NPC1: variants seen among roughly 807,000 people sequenced by gnomAD.
NPC1 encodes the protein Niemann-Pick C1 protein.
Under a neutral mutation model 140.4 loss-of-function variants are expected in NPC1, and 85 were observed. The observed-to-expected ratio is 0.61, with a 90% confidence interval of 0.51 to 0.72. The LOEUF (loss-of-function observed/expected upper bound fraction) is 0.72. Among genes scored for constraint, NPC1 ranks in the 30% least tolerant of loss-of-function variants. The pLI is 0.00. For synonymous variants in NPC1, 656 were observed against 624.8 expected (o/e 1.05, Z -0.74); for missense variants, 1,504 against 1,623.8 (o/e 0.93, Z 1.27).
chr18:23,533,567 G>A, intron 23 of NPC1, 50 bp from the exon 24 acceptor site: 1 of 1,536,874 alleles, frequency 6.5e-7, no homozygotes, highest in Non-Finnish European at 9.0e-7. Flanking sequence ...ACCTGTAATT[G>A]AACAAAAACA....
intron 14 of NPC1, among the ~76,000 whole-genome samples, chr18:23,541,718 T>G (rs921238438): frequency 6.6e-6 from 1 of 152,184 alleles, no homozygotes; most frequent in African/African-American, 2.4e-5. Flanking sequence ...TCACACACAT[T>G]AAAATTTGAG....
intron 3 of NPC1, among the ~76,000 whole-genome samples, chr18:23,571,232 TA>T (rs10715014): frequency 0.73 from 107,523 of 147,070 alleles, 39,605 homozygotes; most frequent in East Asian, 0.91. Context: ...AAACTGACTT[TA>T]AAAAAAAAAA....
intron 9 of NPC1, among the ~76,000 whole-genome samples, chr18:23,552,612 C>A (rs1386275211): frequency 6.6e-6 from 1 of 152,188 alleles, no homozygotes; most frequent in Non-Finnish European, 1.5e-5. Flanking sequence ...ATGGCGCAGG[C>A]AAGAGGCAAC....
chr18:23,509,632 G>A (rs146441759), intron 3 of NPC1: 1,779 of 153,168 alleles, frequency 0.012, 37 homozygotes, highest in African/African-American at 0.041. Flanking sequence ...GCGCGATCTC[G>A]GCTCACCGCA....
intron 11 of NPC1, among the ~76,000 whole-genome samples, chr18:23,546,073 A>T (rs1215525137): frequency 6.6e-6 from 1 of 151,930 alleles, no homozygotes; most frequent in Non-Finnish European, 1.5e-5. Flanking sequence ...ACATGGTGAA[A>T]GCCCGTCTCT....
At chr18:23,524,076 C>T in intron 1 of NPC1, 1 of 1,563,842 alleles carries the variant, frequency 6.4e-7, no homozygotes, top group South Asian at 1.1e-5. Context: ...TAAGTACCAG[C>T]ATTTGCAGCA....
chr18:23,562,892 T>A (rs554683629), intron 4 of NPC1, among the ~76,000 whole-genome samples: 1 of 152,186 alleles, frequency 6.6e-6, no homozygotes, highest in Non-Finnish European at 1.5e-5. Context: ...TATAATTACA[T>A]GTAATTTACA....
At chr18:23,515,787 C>T in intron 3 of NPC1, 2 of 1,586,440 alleles carry the variant, frequency 1.3e-6, no homozygotes, top group South Asian at 2.2e-5. Flanking sequence ...CCCACCTTAG[C>T]CTCCCAAAGT....
intron 3 of NPC1, among the ~76,000 whole-genome samples, chr18:23,569,471 C>T (rs563553615): frequency 6.6e-6 from 1 of 152,064 alleles, no homozygotes; most frequent in Non-Finnish European, 1.5e-5. Flanking sequence ...TACAGGTGCA[C>T]ACCACCACAC....
rs1184999447 is a variant in NPC1, at chr18:23,561,521, T to C, written c.470A>G (p.Tyr157Cys). ...YVGQSFANAMYNACRDVEAPS... is the reference protein window; with the variant it reads ...YVGQSFANAMCNACRDVEAPS... ...GGCCTCCACATCCCGGCAGGCATTG[T>C]ACATTGCTAGAAGAGGAAACCCAAA... Residue 157 changes from tyrosine (Y) to cysteine (C), a missense_variant, in exon 5 of 25, where the codon TAC becomes TGC. Coordinates refer to ENST00000269228, the MANE Select transcript of NPC1 (RefSeq NM_000271.5). The C allele has an allele frequency of 6.2e-7, 1 of 1,613,880 alleles. No homozygotes were observed. The highest frequency in any genetic ancestry group is 8.5e-7 in the Non-Finnish European group (1 of 1,179,994).
intron 5 of NPC1, 120 bp downstream of exon 5, chr18:23,561,240 G>A (rs2059033912): frequency 1.9e-6 from 2 of 1,027,132 alleles, no homozygotes; most frequent in African/African-American, 1.6e-5. Flanking sequence ...TGGAACTCCT[G>A]GTCTTAAGCA....
At chr18:23,528,181 T>G (rs947608898), downstream of NPC1, 7 of 269,726 alleles carry the variant, frequency 2.6e-5, no homozygotes, top group Non-Finnish European at 4.9e-5. Flanking sequence ...CTTGGTCTAC[T>G]GTTATAGATG....
At chr18:23,512,969 T>G (rs2057902489) in intron 3 of NPC1, among the ~76,000 whole-genome samples, 1 of 152,118 alleles carries the variant, frequency 6.6e-6, no homozygotes, top group Non-Finnish European at 1.5e-5. Context: ...CTCCTTTTTT[T>G]TTAAGATGGA....
At chr18:23,525,782 T>G (rs1348717695), downstream of NPC1, among the ~76,000 whole-genome samples, 1 of 152,128 alleles carries the variant, frequency 6.6e-6, no homozygotes, top group Non-Finnish European at 1.5e-5. Context: ...CTCTAATACC[T>G]CGCCAGGCTG....
Position 23,531,757 on chromosome 18 carries a change from T to C in NPC1, c.*445A>G. 6.3e-7 allele frequency: 1 copy of C among 1,583,394 alleles called. No individual in the cohort carries two copies. Among genetic ancestry groups the C allele is most frequent in the Non-Finnish European group, 8.5e-7 (1 of 1,170,168 alleles). On this transcript the variant is annotated 3_prime_UTR_variant, in exon 25 of 25. Coordinates refer to ENST00000269228, the MANE Select transcript of NPC1 (RefSeq NM_000271.5). ...ATGTGTACAAAGTTAATTTATTGCATTAATAAAGCTCTTTAAACTATAAAA... is the reference window on the plus strand; with the variant it reads ...ATGTGTACAAAGTTAATTTATTGCACTAATAAAGCTCTTTAAACTATAAAA...
At chr18:23,555,208 G>A (rs575987043) in intron 8 of NPC1, among the ~76,000 whole-genome samples, 1 of 152,360 alleles carries the variant, frequency 6.6e-6, no homozygotes, top group South Asian at 2.1e-4. Flanking sequence ...AGGCGGCGAG[G>A]GGTAGGGGGA....
At chr18:23,570,196 C>T (rs2059181038) in intron 3 of NPC1, among the ~76,000 whole-genome samples, 1 of 152,186 alleles carries the variant, frequency 6.6e-6, no homozygotes, top group Non-Finnish European at 1.5e-5. Context: ...TTCCATGTTA[C>T]TACATTTAAT....
chr18:23,547,788 C>T (rs1598961540), intron 11 of NPC1, among the ~76,000 whole-genome samples: 2 of 152,032 alleles, frequency 1.3e-5, no homozygotes, highest in East Asian at 3.9e-4. Context: ...TTTTTTTGCA[C>T]ACTTTTGCAT....
chr18:23,508,072 G>A (rs2057758015), intron 3 of NPC1: 2 of 1,587,050 alleles, frequency 1.3e-6, no homozygotes, highest in Admixed American at 3.5e-5. Flanking sequence ...TCAGCTGCTG[G>A]TGTCAGTGGT....
Sources: allele counts gnomAD v4.1 joint callset (sites outside exome capture counted in the v4.1 genomes callset), GRCh38; gene constraint gnomAD v4.1.1; transcripts MANE v1.5; gene names NCBI Gene and HGNC (gene_info 2026-07-23, HGNC 2026-07-21).